CSRP1: variants seen among roughly 807,000 people sequenced by gnomAD.
The protein encoded by CSRP1 is cysteine and glycine rich protein 1.
Under a neutral mutation model 25.4 loss-of-function variants are expected in CSRP1, and 16 were observed. The ratio of observed to expected loss-of-function variants is 0.63; its 90% CI spans 0.43 to 0.96. The LOEUF (loss-of-function observed/expected upper bound fraction) is 0.96. CSRP1 is among the 40% of genes least tolerant of loss of function. The pLI, the probability that CSRP1 is intolerant of heterozygous loss-of-function variation, is 0.00. For missense variants in CSRP1, 212 were observed against 243.6 expected (o/e 0.87, Z 0.86); for synonymous variants, 97 against 95.3 (o/e 1.02, Z -0.10).
In CSRP1 at chr1:201,489,002, T is replaced by C. The variant is rs1420690762; in HGVS notation, c.282-18A>G. The C allele has an allele frequency of 2.5e-6, 4 of 1,612,964 alleles. No individual in the cohort carries two copies. The highest frequency in any genetic ancestry group is 1.7e-6 in the Non-Finnish European group (2 of 1,179,578). ...CAGGGGCTCTGCATGGAGAAGGGCA[T>C]GGGGTGAGGTGACTTACACTGTAAG... is the stretch of plus-strand genomic sequence containing the variant. On this transcript the variant is annotated intron_variant, in intron 3 of 5. Coordinates refer to ENST00000340006, the MANE Select transcript of CSRP1 (RefSeq NM_004078.3).
In CSRP1 at chr1:201,488,968, G is replaced by A. The variant is rs1664239714; in HGVS notation, c.298C>T (p.Pro100Ser). The A allele has an allele frequency of 6.2e-7, 1 of 1,614,060 alleles. No individual in the cohort carries two copies. The highest frequency in any genetic ancestry group is 1.7e-5 in the Admixed American group (1 of 60,022). ...TTGGATGCATTGGGGTTGGTGGTGG[G>A]CCTGTGGCCAGGGGCTCTGCATGGA... ...IKHEEAPGHR[P>S]TTNPNASKFA... Residue 100 changes from proline to serine, a missense_variant, in exon 4 of 6, where the codon CCC (proline) becomes TCC (serine). By Grantham distance (74) the Pro-to-Ser change is moderately conservative. Coordinates refer to ENST00000340006, the MANE Select transcript of CSRP1 (RefSeq NM_004078.3).
chr1:201,493,092 G>A (rs534666889), intron 2 of CSRP1, among the ~76,000 whole-genome samples: 1 of 152,298 alleles, frequency 6.6e-6, no homozygotes, highest in South Asian at 2.1e-4. Flanking sequence ...CATAACCTCA[G>A]GGCAGGTTCC....
At chr1:201,491,217 G>A (rs1001445531) in intron 2 of CSRP1, 4 of 152,160 alleles carry the variant, frequency 2.6e-5, no homozygotes, top group Non-Finnish European at 5.9e-5. Flanking sequence ...GATTACTTGA[G>A]CCCAGGAGTT....
chr1:201,496,115 T>C, intron 2 of CSRP1, 77 bp downstream of exon 2: 1 of 1,111,128 alleles, frequency 9.0e-7, no homozygotes, highest in East Asian at 2.4e-5. Flanking sequence ...CCCTGGGGTG[T>C]TGACAGGCCC....
rs1465714270 is a variant in CSRP1 at position 201,488,957 on chromosome 1, G to A, written c.309C>T (p.Asn103=). 1 of 1,614,114 alleles carries A rather than the reference G, an allele frequency of 6.2e-7. No individual in the cohort carries two copies. Among genetic ancestry groups the A allele is most frequent in the African/African-American group, 1.3e-5 (1 of 75,042 alleles). ...TCTGGGCAAATTTGGATGCATTGGGGTTGGTGGTGGGCCTGTGGCCAGGGG... is the reference window on the plus strand; with the variant it reads ...TCTGGGCAAATTTGGATGCATTGGGATTGGTGGTGGGCCTGTGGCCAGGGG... ...EEAPGHRPTT[N]PNASKFAQKI... Residue 103 remains asparagine, a synonymous_variant, in exon 4 of 6, where the codon AAC becomes AAT. Coordinates refer to ENST00000340006, the MANE Select transcript of CSRP1 (RefSeq NM_004078.3).
intron 1 of CSRP1, among the ~76,000 whole-genome samples, chr1:201,496,758 C>T (rs900448740): frequency 3.3e-5 from 5 of 152,150 alleles, no homozygotes; most frequent in African/African-American, 1.2e-4. Flanking sequence ...ACTCATATTG[C>T]CAAGGGATGG....
At chr1:201,496,996 C>T (rs997467934) in intron 1 of CSRP1, among the ~76,000 whole-genome samples, 3 of 152,182 alleles carry the variant, frequency 2.0e-5, no homozygotes, top group Non-Finnish European at 4.4e-5. Context: ...GTTTTGTGCA[C>T]ACTTTTGTAT....
chr1:201,496,280 C>G lies in CSRP1; in HGVS notation c.24G>C (p.Lys8Asn). 6.2e-7 allele frequency: 1 copy of G among 1,614,168 alleles called. No individual in the cohort carries two copies. Among genetic ancestry groups the G allele is most frequent in the South Asian group, 1.1e-5 (1 of 91,092 alleles). MPNWGGGKKCGVCQKTVY... is the reference protein window; with the variant it reads MPNWGGGNKCGVCQKTVY... ...CCGTCTTCTGACACACCCCACATTT[C>G]TTGCCTCCTCCCCAGTTCGGCATTC... Residue 8 changes from lysine (K) to asparagine (N), a missense_variant, in exon 2 of 6, where the codon AAG (lysine) becomes AAC (asparagine). Coordinates refer to ENST00000340006, the MANE Select transcript of CSRP1 (RefSeq NM_004078.3).
chr1:201,489,981 T>A (rs1012396517), intron 3 of CSRP1, 195 bp downstream of exon 3: 2 of 538,658 alleles, frequency 3.7e-6, no homozygotes, highest in Non-Finnish European at 3.3e-6. Flanking sequence ...GAGCCCAGCC[T>A]GTTTTAGTCC....
intron 4 of CSRP1, 28 bp downstream of exon 4, chr1:201,488,827 T>C: frequency 6.2e-7 from 1 of 1,608,786 alleles, no homozygotes; most frequent in Non-Finnish European, 8.5e-7. Flanking sequence ...TCTCCCCCCA[T>C]CCCTCTCATG....
At chr1:201,490,450 T>C in intron 2 of CSRP1, 106 bp from the exon 3 acceptor site, 1 of 1,158,560 alleles carries the variant, frequency 8.6e-7, no homozygotes, top group Non-Finnish European at 1.2e-6. Flanking sequence ...TTTGCATACA[T>C]AATATCCTGA....
At chr1:201,500,705 G>A (rs946325527) in intron 1 of CSRP1, among the ~76,000 whole-genome samples, 3 of 152,252 alleles carry the variant, frequency 2.0e-5, no homozygotes, top group Non-Finnish European at 2.9e-5. Context: ...GTGGGGAAGA[G>A]GCTCAGCTGG....
At chr1:201,489,038 G>T (rs1003891786) in intron 3 of CSRP1, 54 bp from the exon 4 acceptor site, 487 of 1,605,920 alleles carry the variant, frequency 3.0e-4, no homozygotes, top group Non-Finnish European at 4.0e-4. Flanking sequence ...TACAGGTGGG[G>T]CTGGCACTGA....
chr1:201,499,605 T>A (rs1347310290), intron 1 of CSRP1, among the ~76,000 whole-genome samples: 1 of 152,118 alleles, frequency 6.6e-6, no homozygotes. Flanking sequence ...AGATGGCTCA[T>A]CTGCATCATC....
At chr1:201,505,513 CT>C (rs369925678) in intron 1 of CSRP1, among the ~76,000 whole-genome samples, 89,602 of 151,868 alleles carry the variant, frequency 0.59, 28,200 homozygotes, top group Non-Finnish European at 0.71. Context: ...CCTGCTTCTT[CT>C]TCCCCATACC....
intron 2 of CSRP1, among the ~76,000 whole-genome samples, chr1:201,493,337 C>T (rs1286310400): frequency 6.6e-6 from 1 of 152,196 alleles, no homozygotes; most frequent in Non-Finnish European, 1.5e-5. Flanking sequence ...GTGTTCCCAC[C>T]CAAATCTCTC....
At position 201,483,701 on chromosome 1, in the gene CSRP1, C is replaced by T; in HGVS notation, c.*1012G>A. On this transcript the variant is annotated 3_prime_UTR_variant, in exon 6 of 6. Transcript: ENST00000340006. ...CCACTATTCCTAACCTGGGGCCTGG[C>T]AGGGGTGGAGTGATGTGATCTAAGG... 2 of 309,512 alleles carry T rather than the reference C, an allele frequency of 6.5e-6. No individual in the cohort carries two copies. Among genetic ancestry groups the T allele is most frequent in the East Asian group, 5.1e-5 (1 of 19,786 alleles). The allele number at this position is 309,512 out of a possible 1,614,324, so 19.2% of individuals were successfully genotyped here.
At chr1:201,487,063 G>T in intron 4 of CSRP1, 3 of 1,060,870 alleles carry the variant, frequency 2.8e-6, no homozygotes, top group Non-Finnish European at 3.9e-6. Context: ...CTGTACTGAG[G>T]ACATACCAGG....
intron 3 of CSRP1, 70 bp downstream of exon 3, chr1:201,490,106 A>G: frequency 6.7e-7 from 1 of 1,484,106 alleles, no homozygotes; most frequent in South Asian, 1.3e-5. Flanking sequence ...GGTTGTAAAT[A>G]CACATGAGGC....
Sources: allele counts gnomAD v4.1 joint callset (sites outside exome capture counted in the v4.1 genomes callset), GRCh38; gene constraint gnomAD v4.1.1; transcripts MANE v1.5; gene names NCBI Gene and HGNC (gene_info 2026-07-23, HGNC 2026-07-21).